The following IQGAP2 variants were observed in gnomAD, a reference collection of about 807,000 sequenced individuals.
IQGAP2 encodes the protein IQ motif containing GTPase activating protein 2, also known as ras GTPase-activating-like protein IQGAP2.
IQGAP2 carries 173 observed loss-of-function variants against 201.3 expected under a neutral mutation model. That is an observed-to-expected ratio of 0.86 (90% CI 0.76 to 0.98). The LOEUF is 0.98. Ranked by LOEUF, IQGAP2 falls within the 50% of genes least tolerant of loss-of-function variation. The pLI is 0.00. For missense variants in IQGAP2, 1,687 were observed against 1,864.8 expected (o/e 0.90, Z 1.76); for synonymous variants, 675 against 673.9 (o/e 1.00, Z -0.03).
chr5:76,704,082 A>G (rs1031673357), intron 35 of IQGAP2, among the ~76,000 whole-genome samples: 4 of 152,260 alleles, frequency 2.6e-5, no homozygotes, highest in African/African-American at 9.6e-5. Context: ...CTATTATGTA[A>G]TTATTGAAAG....
intron 35 of IQGAP2, among the ~76,000 whole-genome samples, chr5:76,705,081 C>G (rs569039770): frequency 1.3e-5 from 2 of 151,988 alleles, no homozygotes; most frequent in Non-Finnish European, 2.9e-5. Context: ...AGGTATTTAT[C>G]GGGGACTGCA....
chr5:76,535,049 C>G (rs1443853561), intron 2 of IQGAP2, among the ~76,000 whole-genome samples: 1 of 152,120 alleles, frequency 6.6e-6, no homozygotes, highest in Admixed American at 6.6e-5. Context: ...GGTAGGGACA[C>G]AGCAGGTAGG....
chr5:76,447,660 G>T (rs867895109), intron 1 of IQGAP2, among the ~76,000 whole-genome samples: 1 of 152,076 alleles, frequency 6.6e-6, no homozygotes, highest in Non-Finnish European at 1.5e-5. Context: ...TGGGTGCTTG[G>T]TTGGTTAAAC....
At chr5:76,437,751 C>A (rs1210349547) in intron 1 of IQGAP2, among the ~76,000 whole-genome samples, 1 of 152,104 alleles carries the variant, frequency 6.6e-6, no homozygotes, top group Non-Finnish European at 1.5e-5. Flanking sequence ...GTATATTTAC[C>A]ACATTTTCTT....
At chr5:76,564,139 A>G (rs1744574728) in intron 3 of IQGAP2, among the ~76,000 whole-genome samples, 2 of 152,238 alleles carry the variant, frequency 1.3e-5, no homozygotes, top group Admixed American at 1.3e-4. Context: ...GACTTTAATA[A>G]AACAATCATT....
At chr5:76,547,762 C>T (rs1028539925) in intron 2 of IQGAP2, among the ~76,000 whole-genome samples, 1 of 152,232 alleles carries the variant, frequency 6.6e-6, no homozygotes, top group African/African-American at 2.4e-5. Flanking sequence ...GTGCTTTGCA[C>T]TGCAAACAGA....
At chr5:76,416,021 A>G (rs1327506209) in intron 1 of IQGAP2, among the ~76,000 whole-genome samples, 2 of 152,082 alleles carry the variant, frequency 1.3e-5, no homozygotes, top group Non-Finnish European at 2.9e-5. Flanking sequence ...ACTAGTGTCC[A>G]TGGGGGAAAT....
chr5:76,585,519 CTT>C (rs796557657), intron 5 of IQGAP2, among the ~76,000 whole-genome samples: 3 of 143,034 alleles, frequency 2.1e-5, no homozygotes, highest in Admixed American at 1.4e-4. Context: ...TTCTTTTTTT[CTT>C]TTTTTTTTTG....
Position 76,702,506 on chromosome 5 carries a change from C to A in IQGAP2, c.4530C>A (p.Ile1510=), listed in dbSNP as rs1334437609. 1.3e-6 allele frequency: 2 copies of A among 1,567,562 alleles called. No individual in the cohort carries two copies. The highest frequency in any genetic ancestry group is 1.1e-5 in the South Asian group (1 of 90,012). Residue 1510 remains isoleucine (I), a synonymous_variant, in exon 35 of 36, where the codon ATC becomes ATA. Transcript: ENST00000274364. The stretch of plus-strand genomic sequence containing the variant: ...GGTTTAAGAATGTTACATTTGATAT[C>A]ATAGCTACTGAAGATGTAGGCATTT... ...TNQFKNVTFD[I]IATEDVGIFD...
intron 30 of IQGAP2, among the ~76,000 whole-genome samples, chr5:76,684,711 C>T (rs773232166): frequency 1.1e-4 from 17 of 152,104 alleles, no homozygotes; most frequent in Admixed American, 2.0e-4. Flanking sequence ...TGAAACAATA[C>T]GAAACATATT....
intron 2 of IQGAP2, among the ~76,000 whole-genome samples, chr5:76,498,588 C>T (rs751024771): frequency 1.3e-5 from 2 of 152,150 alleles, no homozygotes; most frequent in Non-Finnish European, 2.9e-5. Flanking sequence ...CAGTTTTCTC[C>T]TTTGTGAAAT....
At chr5:76,521,765 G>A (rs1580374880) in intron 2 of IQGAP2, among the ~76,000 whole-genome samples, 1 of 152,150 alleles carries the variant, frequency 6.6e-6, no homozygotes, top group Admixed American at 6.5e-5. Flanking sequence ...ACCACCTGGA[G>A]GGCTTGTTAG....
rs569196320 is a variant in IQGAP2 at position 76,425,287 on chromosome 5, T to G, written c.46+21696T>G. On this transcript the variant is annotated intron_variant, in intron 1 of 35. Coordinates refer to ENST00000274364, the MANE Select transcript of IQGAP2 (RefSeq NM_006633.5). ...ACCACTATTCTGGGAGACAGATTCT[T>G]CATTAAAATTTTATTGCTTGGTTTC... Among the ~76,000 whole-genome samples, 244 of 152,316 alleles carry G rather than the reference T, an allele frequency of 1.6e-3. 1 individual carries two copies. The highest frequency in any genetic ancestry group is 5.7e-3 in the African/African-American group (236 of 41,570).
intron 13 of IQGAP2, among the ~76,000 whole-genome samples, chr5:76,622,062 C>T (rs1749737149): frequency 6.6e-6 from 1 of 152,068 alleles, no homozygotes; most frequent in Admixed American, 6.5e-5. Flanking sequence ...AAAACAAAAC[C>T]ACAACGAAAT....
chr5:76,681,894 C>A (rs1208793371), intron 28 of IQGAP2, among the ~76,000 whole-genome samples: 1 of 152,120 alleles, frequency 6.6e-6, no homozygotes, highest in Non-Finnish European at 1.5e-5. Flanking sequence ...TTATTCAGCT[C>A]TAAAAAGAAG....
intron 2 of IQGAP2, among the ~76,000 whole-genome samples, chr5:76,517,983 G>C (rs896758635): frequency 1.3e-5 from 2 of 152,100 alleles, no homozygotes; most frequent in African/African-American, 4.8e-5. Context: ...TGAGACAAGA[G>C]TCTTGCTCTA....
intron 19 of IQGAP2, among the ~76,000 whole-genome samples, 182 bp downstream of exon 19, chr5:76,654,453 G>T (rs762161530): frequency 6.6e-6 from 1 of 152,208 alleles, no homozygotes; most frequent in African/African-American, 2.4e-5. Flanking sequence ...AAATCATGTT[G>T]AGAGTTAGAC....
Position 76,572,463 on chromosome 5 carries a change from C to T in IQGAP2, c.381+1806C>T, listed in dbSNP as rs181906618. ...ACAGGCGTGAGCCACTGCACCTGGC[C>T]TGAAATCTGTTTCTTATCAGGCTGT... is the stretch of plus-strand genomic sequence containing the variant. On this transcript the variant is annotated intron_variant, in intron 4 of 35. Transcript: ENST00000274364. Among the ~76,000 whole-genome samples the T allele has an allele frequency of 5.9e-5, 9 of 152,090 alleles. No individual in the cohort carries two copies. The East Asian group carries it at 1.7e-3, about 29-fold the overall frequency.
chr5:76,683,961 T>G lies in IQGAP2; in HGVS notation c.3905+44T>G, dbSNP rs369883301. 9.8e-6 allele frequency: 15 copies of G among 1,528,464 alleles called. No individual in the cohort carries two copies. The African/African-American group carries it at 2.1e-4, about 21-fold the overall frequency. The allele number at this position is 1,528,464 out of a possible 1,614,324, so 94.7% of individuals were successfully genotyped here. The stretch of plus-strand genomic sequence containing the variant: ...GGGCACATGTCTCCAAATACACATC[T>G]TAAATGATGCAAATTCAAATGAGGC... On this transcript the variant is annotated intron_variant, in intron 30 of 35. Coordinates refer to ENST00000274364, the MANE Select transcript of IQGAP2 (RefSeq NM_006633.5).
Sources: gnomAD v4.1 joint callset for allele counts (sites outside exome capture counted in the v4.1 genomes callset) on GRCh38, gnomAD v4.1.1 for gene constraint, MANE v1.5 for transcripts, NCBI Gene and HGNC (gene_info 2026-07-23, HGNC 2026-07-21) for gene names.